Variants in JADE3 observed in about 807,000 individuals in gnomAD.
The protein encoded by JADE3 is protein Jade-3.
A neutral mutation model predicts 50.1 loss-of-function variants in JADE3; 2 were observed. The ratio of observed to expected loss-of-function variants is 0.04; its 90% confidence interval spans 0.02 to 0.13. The LOEUF is 0.13. JADE3 is among the 10% of genes least tolerant of loss of function. The pLI is 1.00. For synonymous variants in JADE3, 218 were observed against 232.9 expected, an observed-to-expected ratio of 0.94 and a Z score of 0.58; for missense variants, 475 against 634.4, an observed-to-expected ratio of 0.75 and a Z score of 2.70.
chrX:46,926,606 A>G (rs1271352539), intron 1 of JADE3, among the ~76,000 whole-genome samples: 1 of 111,945 alleles, frequency 8.9e-6, no homozygotes, highest in Non-Finnish European at 1.9e-5. Context: ...AATCCACCAC[A>G]ATCAAGGTGC....
chrX:47,058,055 C>A, intron 10 of JADE3, 112 bp from the exon 11 acceptor site: 1 of 616,952 alleles, frequency 1.6e-6, no homozygotes, highest in Non-Finnish European at 2.6e-6. Flanking sequence ...CATAGCAGAG[C>A]CAGGTGCTTG....
chrX:47,025,209 T>C (rs1928882020), intron 5 of JADE3, among the ~76,000 whole-genome samples: 1 of 112,132 alleles, frequency 8.9e-6, no homozygotes, highest in African/African-American at 3.2e-5. Context: ...AGTTTGAGAA[T>C]GGCCATAGCT....
chrX:47,015,499 G>A (rs782809844), intron 4 of JADE3, among the ~76,000 whole-genome samples: 1 of 107,255 alleles, frequency 9.3e-6, no homozygotes, highest in Non-Finnish European at 1.9e-5. Context: ...CATGAGAATC[G>A]CTTGAACCTG....
At chrX:47,002,903 T>C (rs1273494656) in intron 4 of JADE3, among the ~76,000 whole-genome samples, 35 of 111,722 alleles carry the variant, frequency 3.1e-4, no homozygotes, top group Non-Finnish European at 4.0e-4. Flanking sequence ...TTTCAGTCTT[T>C]CAATATATTA....
chrX:47,031,703 G>A (rs1238716625), intron 6 of JADE3, among the ~76,000 whole-genome samples: 2 of 109,649 alleles, frequency 1.8e-5, no homozygotes, highest in South Asian at 3.9e-4. Flanking sequence ...GCAAAACCTC[G>A]TCTCTACAAA....
chrX:47,030,338 A>G (rs1017595837), intron 6 of JADE3, among the ~76,000 whole-genome samples: 1 of 111,690 alleles, frequency 9.0e-6, no homozygotes, highest in Non-Finnish European at 1.9e-5. Flanking sequence ...ATGAATATAA[A>G]TGATACCCCT....
intron 4 of JADE3, among the ~76,000 whole-genome samples, chrX:46,998,674 A>T (rs1928196700): frequency 1.8e-5 from 2 of 109,782 alleles, no homozygotes; most frequent in African/African-American, 3.3e-5. Flanking sequence ...AGTCTGTTTT[A>T]TTTATTTATT....
At chrX:46,981,238 G>A (rs782458193) in intron 1 of JADE3, among the ~76,000 whole-genome samples, 16 of 111,945 alleles carry the variant, frequency 1.4e-4, no homozygotes, top group Non-Finnish European at 2.4e-4. Flanking sequence ...TTACTGTAAC[G>A]TTAGAAAACT....
In JADE3 at chrX:47,059,123, A is replaced by G. The variant is rs782401815; in HGVS notation, c.*46A>G. 25 of 978,258 alleles carry G rather than the reference A, an allele frequency of 2.6e-5. No homozygotes were observed. The highest frequency in any genetic ancestry group is 2.8e-5 in the Non-Finnish European group (20 of 722,903). The allele number at this position is 978,258 out of a possible 1,213,427, so 80.6% of individuals were successfully genotyped here. On this transcript the variant is annotated 3_prime_UTR_variant, in exon 11 of 11. Transcript: ENST00000614628. ...CCCAACCTTTGCCTTTGCCCCATAT[A>G]TTGGGGAAAACCCATACACCAAAAG... is the stretch of plus-strand genomic sequence containing the variant.
chrX:46,995,029 A>AT (rs782296166), intron 3 of JADE3, among the ~76,000 whole-genome samples: 980 of 96,300 alleles, frequency 0.01, 14 homozygotes, highest in African/African-American at 0.024. Flanking sequence ...TTCCTTTAAG[A>AT]TTTTTTTTTT....
chrX:46,988,383 A>G (rs1216451647), intron 3 of JADE3, among the ~76,000 whole-genome samples: 1 of 111,487 alleles, frequency 9.0e-6, no homozygotes, highest in Non-Finnish European at 1.9e-5. Context: ...GCCCAGGGTC[A>G]TTAAAAAAAA....
intron 1 of JADE3, among the ~76,000 whole-genome samples, chrX:46,969,353 T>C (rs1927434410): frequency 9.1e-6 from 1 of 110,496 alleles, no homozygotes; most frequent in South Asian, 3.8e-4. Flanking sequence ...GAGGCGGAGG[T>C]TGCAGTGAGC....
intron 1 of JADE3, among the ~76,000 whole-genome samples, chrX:46,943,272 G>A (rs1926803688): frequency 8.9e-6 from 1 of 111,770 alleles, no homozygotes. Context: ...TCCTTGTCTT[G>A]TTCCTGTTCT....
intron 1 of JADE3, among the ~76,000 whole-genome samples, chrX:46,922,912 T>G (rs1186212234): frequency 8.9e-6 from 1 of 112,143 alleles, no homozygotes; most frequent in Non-Finnish European, 1.9e-5. Flanking sequence ...AAGCTGAACA[T>G]GGGCAGGAGA....
At chrX:47,042,895 C>T (rs1350375408) in intron 8 of JADE3, among the ~76,000 whole-genome samples, 1 of 111,689 alleles carries the variant, frequency 9.0e-6, no homozygotes, top group Non-Finnish European at 1.9e-5. Flanking sequence ...AGGCCTTGGG[C>T]GAGACCCAAT....
At chrX:46,944,732 A>C (rs1556342976) in intron 1 of JADE3, among the ~76,000 whole-genome samples, 1 of 111,700 alleles carries the variant, frequency 9.0e-6, no homozygotes, top group Non-Finnish European at 1.9e-5. Flanking sequence ...TGTTCTGTAC[A>C]CATTAATTTT....
chrX:46,937,730 C>A (rs1556341395), intron 1 of JADE3, among the ~76,000 whole-genome samples: 2 of 112,184 alleles, frequency 1.8e-5, no homozygotes, highest in South Asian at 7.4e-4. Flanking sequence ...CCTGTAATCC[C>A]AGCACTTTGG....
At chrX:46,927,905 C>T (rs782713641) in intron 1 of JADE3, among the ~76,000 whole-genome samples, 40 of 111,832 alleles carry the variant, frequency 3.6e-4, no homozygotes, top group African/African-American at 1.3e-3. Context: ...CTATGAGGTG[C>T]GCACAGAAGA....
chrX:46,973,078 C>G (rs1324417169), intron 1 of JADE3, among the ~76,000 whole-genome samples: 2 of 112,251 alleles, frequency 1.8e-5, no homozygotes, highest in Non-Finnish European at 3.8e-5. Context: ...GGTTTAGACA[C>G]ACTTCCCAAC....
Sources: allele counts gnomAD v4.1 joint callset (sites outside exome capture counted in the v4.1 genomes callset), GRCh38; gene constraint gnomAD v4.1.1; transcripts MANE v1.5; gene names NCBI Gene and HGNC (gene_info 2026-07-23, HGNC 2026-07-21).